RRBP1: variants seen among roughly 807,000 people sequenced by gnomAD.
RRBP1 encodes ribosome binding protein 1.
In RRBP1, 94 loss-of-function variants were observed where a neutral mutation model predicts 165.2. The ratio of observed to expected loss-of-function variants is 0.57; its 90% CI spans 0.48 to 0.68. The LOEUF is 0.68. RRBP1 is among the 30% of genes least tolerant of loss of function. The pLI is 0.00. For synonymous variants in RRBP1, 680 were observed against 714.5 expected (o/e 0.95, Z 0.77); for missense variants, 1,676 against 1,763.0 (o/e 0.95, Z 0.88).
chr20:17,643,050 C>T lies in RRBP1; in HGVS notation c.1990G>A (p.Glu664Lys), dbSNP rs144923230. The T allele has an allele frequency of 1.8e-4, 298 of 1,613,992 alleles. No homozygotes were observed. The highest frequency in any genetic ancestry group is 2.4e-4 in the Non-Finnish European group (279 of 1,180,032). Reference sequence around the variant, plus strand: ...TCGATGAGCCGCTGGGCCTCGCCCTCGTTGAACACCATGCTCCCAACCGTG... The same window carrying T: ...TCGATGAGCCGCTGGGCCTCGCCCTTGTTGAACACCATGCTCCCAACCGTG... Reference protein sequence around the residue: ...VSTVGSMVFNEGEAQRLIEIL... With the variant: ...VSTVGSMVFNKGEAQRLIEIL... The change falls in exon 4 of 25, where the codon GAG becomes AAG. Residue 664 changes from glutamate to lysine, a missense_variant. Physicochemically the swap from Glu to Lys is moderately conservative, Grantham distance 56. Transcript: ENST00000377813. The surrounding 1 kb of genome is among the most constrained non-coding windows in gnomAD (Gnocchi z 4.3).
At position 17,621,869 on chromosome 20, in the gene RRBP1, C is replaced by CA. The variant is rs778456533; in HGVS notation, c.3225dup (p.Val1076CysfsTer54). 1 of 1,613,910 alleles carries CA rather than the reference C, an allele frequency of 6.2e-7. No individual in the cohort carries two copies. The highest frequency in any genetic ancestry group is 8.5e-7 in the Non-Finnish European group (1 of 1,179,992). On this transcript the variant is annotated frameshift_variant, in exon 14 of 25. Transcript: ENST00000377813. LOFTEE classifies it high-confidence loss of function. ...TCCCCTCCTACCTGTTGTGCCAAGA[C>CA]AGAGAGTTCTGGGAGCAGAGCCAGC...
chr20:17,638,010 T>G (rs1440584388), intron 5 of RRBP1, among the ~76,000 whole-genome samples: 27 of 151,974 alleles, frequency 1.8e-4, no homozygotes, highest in Admixed American at 1.6e-3. Flanking sequence ...GAGGCAGGGG[T>G]GGGGCCCAAA....
intron 12 of RRBP1, 73 bp downstream of exon 12, chr20:17,625,439 A>G: frequency 1.5e-6 from 2 of 1,352,862 alleles, no homozygotes; most frequent in Non-Finnish European, 2.1e-6. Context: ...CGGGTGCCAC[A>G]TAGCAGAACC....
chr20:17,657,580 A>G (rs1363811830), intron 3 of RRBP1, among the ~76,000 whole-genome samples: 1 of 152,234 alleles, frequency 6.6e-6, no homozygotes, highest in Non-Finnish European at 1.5e-5. Flanking sequence ...AAAAAAGAAA[A>G]GAAAAGAAAG....
intron 24 of RRBP1, 22 bp from the exon 25 acceptor site, chr20:17,614,242 G>T: frequency 6.2e-7 from 1 of 1,611,604 alleles, no homozygotes; most frequent in South Asian, 1.1e-5. Context: ...GGCAGGTGGC[G>T]TGAGGGGGGC....
At chr20:17,615,823 G>C (rs960966682) in intron 22 of RRBP1, 103 bp downstream of exon 22, 11 of 1,027,346 alleles carry the variant, frequency 1.1e-5, no homozygotes, top group South Asian at 1.1e-4. Context: ...CAGCCCAGGT[G>C]CTGCTGGGCA....
At chr20:17,631,171 C>A (rs1249306816) in intron 8 of RRBP1, among the ~76,000 whole-genome samples, 2 of 152,264 alleles carry the variant, frequency 1.3e-5, no homozygotes, top group African/African-American at 4.8e-5. Context: ...CCAGAAAGCA[C>A]ACCTGCTTCT....
At chr20:17,649,179 T>C (rs1004260418) in intron 3 of RRBP1, among the ~76,000 whole-genome samples, 2 of 152,242 alleles carry the variant, frequency 1.3e-5, no homozygotes, top group Admixed American at 6.5e-5. Context: ...CAGAGAGTTT[T>C]CTTCAGAGCT....
intron 19 of RRBP1, chr20:17,619,424 G>A (rs2035864760): frequency 2.1e-6 from 1 of 467,294 alleles, no homozygotes; most frequent in African/African-American, 2.0e-5. Flanking sequence ...GTCCTGGCTG[G>A]GAGGCTGCCT....
chr20:17,624,751 A>G (rs2035983869), intron 12 of RRBP1, 83 bp from the exon 13 acceptor site: 3 of 1,005,130 alleles, frequency 3.0e-6, no homozygotes, highest in South Asian at 2.7e-5. Flanking sequence ...GACAGGGCCC[A>G]GAGACCCTCC....
In RRBP1 at chr20:17,632,441, G is replaced by A. The variant is rs532962612; in HGVS notation, c.2610+1019C>T. On this transcript the variant is annotated intron_variant, in intron 8 of 24. Coordinates refer to ENST00000377813, the MANE Select transcript of RRBP1 (RefSeq NM_001365613.2). ...ACAGCTTCTCAACTCCCTCTTCTGA[G>A]TGGGTCTGCTTCACATGAACATCAG... is the stretch of plus-strand genomic sequence containing the variant. 5.9e-5 allele frequency among the ~76,000 whole-genome samples: 9 copies of A among 152,308 alleles called. No individual in the cohort carries two copies. The East Asian group carries it at 1.4e-3, about 23-fold the overall frequency.
At chr20:17,621,814 T>C in intron 14 of RRBP1, 41 bp from the exon 15 acceptor site, 1 of 1,611,512 alleles carries the variant, frequency 6.2e-7, no homozygotes, top group South Asian at 1.1e-5. Context: ...GGACATTCCC[T>C]GAGAACTGTG....
At chr20:17,641,759 G>T in intron 5 of RRBP1, 38 bp downstream of exon 5, 1 of 1,608,586 alleles carries the variant, frequency 6.2e-7, no homozygotes. Context: ...CTGAGGACGG[G>T]AGAGGACAAA....
intron 5 of RRBP1, among the ~76,000 whole-genome samples, chr20:17,637,506 T>C (rs1314111781): frequency 6.6e-6 from 1 of 152,078 alleles, no homozygotes; most frequent in Non-Finnish European, 1.5e-5. Flanking sequence ...TGATGTGATG[T>C]GAATACATAT....
At chr20:17,672,709 A>C (rs1357783830) in intron 2 of RRBP1, among the ~76,000 whole-genome samples, 1 of 152,222 alleles carries the variant, frequency 6.6e-6, no homozygotes, top group Non-Finnish European at 1.5e-5. Context: ...ACATTCACCA[A>C]AAGTCTGCGG....
chr20:17,621,552 G>C lies in RRBP1; in HGVS notation c.3325-5C>G. 6.2e-7 allele frequency: 1 copy of C among 1,610,770 alleles called. No homozygotes were observed. Among genetic ancestry groups the C allele is most frequent in the South Asian group, 1.1e-5 (1 of 90,924 alleles). On this transcript the variant is annotated splice_region_variant and splice_polypyrimidine_tract_variant and intron_variant, in intron 15 of 24. Transcript: ENST00000377813. ...CCTCAACTTGGAGGCCAGGTCCTGA[G>C]AGAGGGAAGAACAGGTGTTTAGTTA...
In RRBP1 at chr20:17,624,062, G is replaced by C. The variant is rs142748751; in HGVS notation, c.3147+514C>G. On this transcript the variant is annotated intron_variant, in intron 13 of 24. Coordinates refer to ENST00000377813, the MANE Select transcript of RRBP1 (RefSeq NM_001365613.2). ...AAGCTCATAAAGAGTGCAGCCTCGG[G>C]CTCACTGCCTCCAGTCCCACCCCAG... Among the ~76,000 whole-genome samples the C allele has an allele frequency of 1.9e-3, 284 of 152,328 alleles. 4 individuals carry two copies. The highest frequency in any genetic ancestry group is 6.6e-3 in the African/African-American group (276 of 41,572).
At chr20:17,652,149 A>G (rs2036570130) in intron 3 of RRBP1, among the ~76,000 whole-genome samples, 1 of 152,234 alleles carries the variant, frequency 6.6e-6, no homozygotes, top group African/African-American at 2.4e-5. Flanking sequence ...CAGACCGGCT[A>G]GTGATCCAAG....
intron 21 of RRBP1, 62 bp downstream of exon 21, chr20:17,616,670 C>CA: frequency 8.8e-7 from 1 of 1,141,518 alleles, no homozygotes; most frequent in African/African-American, 1.6e-5. Context: ...CGAACGGAGG[C>CA]AGCAGGGCCT....
Sources: gnomAD v4.1 joint callset for allele counts (sites outside exome capture counted in the v4.1 genomes callset) on GRCh38, gnomAD v4.1.1 for gene constraint, Gnocchi (gnomAD v3.1) non-coding constraint, MANE v1.5 for transcripts, NCBI Gene and HGNC (gene_info 2026-07-23, HGNC 2026-07-21) for gene names.